The following ITPR1 variants were observed in gnomAD, a reference collection of about 807,000 sequenced individuals.
The protein encoded by ITPR1 is inositol 1,4,5-trisphosphate-gated calcium channel ITPR1.
ITPR1 carries 96 observed loss-of-function variants against 318.4 expected under a neutral mutation model. The observed-to-expected ratio is 0.30, with a 90% CI of 0.26 to 0.36. The LOEUF (loss-of-function observed/expected upper bound fraction) is 0.36, where lower values mean the gene tolerates loss of function less well. ITPR1 is among the 10% of genes least tolerant of loss of function. The pLI is 1.00. For missense variants in ITPR1, 2,440 were observed against 3,460.2 expected (o/e 0.71, Z 7.40); for synonymous variants, 1,312 against 1,289.9 (o/e 1.02, Z -0.37).
chr3:4,615,369 CTTTCT>C (rs1170089395), intron 4 of ITPR1, among the ~76,000 whole-genome samples: 2 of 128,818 alleles, frequency 1.6e-5, no homozygotes, highest in East Asian at 2.2e-4. Flanking sequence ...CAACTGATTT[CTTTCT>C]TTTTTTTTTT....
intron 44 of ITPR1, among the ~76,000 whole-genome samples, chr3:4,746,221 C>T (rs1315884231): frequency 3.3e-5 from 5 of 152,212 alleles, no homozygotes; most frequent in Admixed American, 6.5e-5. Flanking sequence ...CTCTCTTCCA[C>T]GCGGTTGTCA....
chr3:4,656,556 G>C (rs915976681), intron 12 of ITPR1, among the ~76,000 whole-genome samples: 1 of 152,128 alleles, frequency 6.6e-6, no homozygotes, highest in African/African-American at 2.4e-5. Flanking sequence ...AAGAGATACA[G>C]GTTTTGGATA....
chr3:4,829,839 ACCT>A (rs1203695577), intron 60 of ITPR1, among the ~76,000 whole-genome samples: 4 of 144,718 alleles, frequency 2.8e-5, no homozygotes, highest in Non-Finnish European at 4.5e-5. Context: ...TCCTCTGCAC[ACCT>A]CCTATTTATC....
intron 32 of ITPR1, among the ~76,000 whole-genome samples, chr3:4,691,611 C>G (rs1193779108): frequency 6.6e-6 from 1 of 152,144 alleles, no homozygotes. Context: ...GAATAAGGAA[C>G]TGAATTATAG....
At chr3:4,494,836 C>T (rs191465443) in intron 2 of ITPR1, among the ~76,000 whole-genome samples, 85 of 152,342 alleles carry the variant, frequency 5.6e-4, no homozygotes, top group Non-Finnish European at 6.9e-4. Context: ...GGATACAGTG[C>T]ATTTCATATG....
rs751735148 is a variant in ITPR1, at chr3:4,699,916, T to A, written c.4511T>A (p.Phe1504Tyr). ...GTTACTACTTTCTTCAGCTCTCCCT[T>A]CTCAGACCAGAGTACGACTTTGCAG... ...SIVTTFFSSP[F>Y]SDQSTTLQTR... Residue 1504 changes from phenylalanine to tyrosine, a missense_variant, in exon 35 of 62, where the codon TTC (phenylalanine) becomes TAC (tyrosine). By Grantham distance (22) the Phe-to-Tyr change is conservative. Transcript: ENST00000649015. The A allele has an allele frequency of 1.9e-6, 3 of 1,613,874 alleles. No homozygotes were observed. The highest frequency in any genetic ancestry group is 2.5e-6 in the Non-Finnish European group (3 of 1,179,756).
At chr3:4,840,443 T>C (rs948912097) in intron 61 of ITPR1, among the ~76,000 whole-genome samples, 1 of 152,196 alleles carries the variant, frequency 6.6e-6, no homozygotes, top group South Asian at 2.1e-4. Context: ...AATTGCTCCA[T>C]TACTTAGAGG....
intron 41 of ITPR1, 127 bp downstream of exon 41, chr3:4,725,708 C>G (rs1245143772): frequency 5.1e-6 from 4 of 790,408 alleles, no homozygotes; most frequent in Non-Finnish European, 8.5e-6. Context: ...GGAGGGAGGT[C>G]TCTAGGCTGG....
chr3:4,615,891 A>T (rs2092369714), intron 4 of ITPR1, among the ~76,000 whole-genome samples: 1 of 152,152 alleles, frequency 6.6e-6, no homozygotes, highest in Non-Finnish European at 1.5e-5. Context: ...GGGTGTTGTC[A>T]GCTCGAGTTT....
At chr3:4,611,793 G>T (rs1040055104) in intron 4 of ITPR1, among the ~76,000 whole-genome samples, 1 of 151,826 alleles carries the variant, frequency 6.6e-6, no homozygotes, top group East Asian at 1.9e-4. Flanking sequence ...ATACTTGCTT[G>T]GTTTTTATGA....
chr3:4,686,945 A>G (rs1162106637), intron 30 of ITPR1, among the ~76,000 whole-genome samples: 1 of 152,222 alleles, frequency 6.6e-6, no homozygotes, highest in Non-Finnish European at 1.5e-5. Flanking sequence ...TAAGGGACAA[A>G]TGTAATCCCC....
intron 44 of ITPR1, among the ~76,000 whole-genome samples, chr3:4,747,260 G>A (rs2125338840): frequency 6.6e-6 from 1 of 152,330 alleles, no homozygotes; most frequent in Non-Finnish European, 1.5e-5. Flanking sequence ...TCTTCCTGGG[G>A]CGCCTATGTA....
chr3:4,649,590 A>C (rs954866688), intron 10 of ITPR1, among the ~76,000 whole-genome samples: 1 of 152,246 alleles, frequency 6.6e-6, no homozygotes, highest in African/African-American at 2.4e-5. Context: ...TGAATGTTTC[A>C]TATAAACAGA....
intron 4 of ITPR1, among the ~76,000 whole-genome samples, chr3:4,576,458 T>C (rs542806060): frequency 6.6e-6 from 1 of 152,278 alleles, no homozygotes; most frequent in South Asian, 2.1e-4. Context: ...CCATGAGAGA[T>C]AATGACTAGG....
intron 44 of ITPR1, chr3:4,749,759 A>C (rs1351183476): frequency 6.5e-6 from 1 of 152,674 alleles, no homozygotes; most frequent in Non-Finnish European, 1.5e-5. Context: ...GTTTTGTAGC[A>C]TCAACAGGTT....
At chr3:4,844,561 A>G (rs1438747326) in intron 61 of ITPR1, among the ~76,000 whole-genome samples, 1 of 152,246 alleles carries the variant, frequency 6.6e-6, no homozygotes, top group Non-Finnish European at 1.5e-5. Flanking sequence ...CATCTGAACT[A>G]TCAGGTAGTA....
intron 60 of ITPR1, among the ~76,000 whole-genome samples, chr3:4,834,949 C>G (rs931707796): frequency 6.6e-6 from 1 of 152,164 alleles, no homozygotes; most frequent in African/African-American, 2.4e-5. Context: ...GCAGCTCAGG[C>G]TTACTACTTA....
In ITPR1 at chr3:4,717,512, T is replaced by A. The variant is rs566343023; in HGVS notation, c.5136+113T>A. The A allele has an allele frequency of 4.6e-6, 4 of 878,426 alleles. No homozygotes were observed. In the East Asian group the frequency reaches 7.2e-5, roughly 16 times the overall value. 54.4% of individuals were successfully genotyped at this position (878,426 alleles called of 1,614,324 possible). A position where few individuals can be genotyped will look rare whatever the true frequency, so the allele number is the denominator to read the frequency against. ...GTCTCACAGCGTCGAGTATCTGGCT[T>A]TGTGTGGTGTGCCCTCTGGGAGTGA... is the stretch of plus-strand genomic sequence containing the variant. On this transcript the variant is annotated intron_variant, in intron 40 of 61. Coordinates refer to ENST00000649015, the MANE Select transcript of ITPR1 (RefSeq NM_001378452.1).
At chr3:4,840,028 G>GTTTT (rs1392825356) in intron 61 of ITPR1, among the ~76,000 whole-genome samples, 2 of 42,184 alleles carry the variant, frequency 4.7e-5, no homozygotes, top group African/African-American at 7.9e-5. Flanking sequence ...CAGCATAGCT[G>GTTTT]CTTTTTTTTT....
Sources: gnomAD v4.1 joint callset for allele counts (sites outside exome capture counted in the v4.1 genomes callset) on GRCh38, gnomAD v4.1.1 for gene constraint, MANE v1.5 for transcripts, NCBI Gene and HGNC (gene_info 2026-07-23, HGNC 2026-07-21) for gene names.